Variants in LRBA observed in about 807,000 individuals in gnomAD.
LRBA encodes LPS responsive beige-like anchor protein, also known as lipopolysaccharide-responsive and beige-like anchor protein.
A neutral mutation model predicts 330.0 loss-of-function variants in LRBA; 176 were observed. That is an observed-to-expected ratio of 0.53 (90% CI 0.47 to 0.60). The LOEUF (loss-of-function observed/expected upper bound fraction) is 0.60. LRBA is among the 20% of genes least tolerant of loss of function. The pLI is 0.00. For synonymous variants in LRBA, 1,230 were observed against 1,193.0 expected, an observed-to-expected ratio of 1.03 and a Z score of -0.64; for missense variants, 3,259 against 3,444.8, an observed-to-expected ratio of 0.95 and a Z score of 1.35.
chr4:150,355,127 T>G (rs1737668474), intron 47 of LRBA, among the ~76,000 whole-genome samples: 1 of 152,018 alleles, frequency 6.6e-6, no homozygotes. Context: ...AAACAGCTTT[T>G]TCCAAGAAAC....
intron 47 of LRBA, among the ~76,000 whole-genome samples, chr4:150,404,222 A>C (rs1028764245): frequency 6.6e-6 from 1 of 152,158 alleles, no homozygotes; most frequent in Non-Finnish European, 1.5e-5. Flanking sequence ...ACATGAAGAA[A>C]TGTTTAATAA....
rs143351602 is a variant in LRBA, at chr4:150,277,881, G to A, written c.8440C>T (p.Arg2814Trp). 1.3e-4 allele frequency: 208 copies of A among 1,614,096 alleles called. No homozygotes were observed. In the African/African-American group the frequency reaches 2.1e-3, roughly 16 times the overall value. Residue 2814 changes from arginine (R) to tryptophan (W), a missense_variant, in exon 56 of 57, where the codon CGG (arginine) becomes TGG (tryptophan). Transcript: ENST00000651943. Reference protein sequence around the residue: ...FAYPGCDAGIRAMALSYDQRC... With the variant: ...FAYPGCDAGIWAMALSYDQRC... ...TGGTCGTAAGACAGCGCCATGGCCC[G>A]GATTCCAGCGTCACATCCTGGATAG...
chr4:150,732,013 A>C (rs1046963935), intron 36 of LRBA, among the ~76,000 whole-genome samples: 1 of 152,122 alleles, frequency 6.6e-6, no homozygotes, highest in South Asian at 2.1e-4. Flanking sequence ...GAAATAATAA[A>C]AAATCAATGA....
intron 34 of LRBA, among the ~76,000 whole-genome samples, chr4:150,784,682 CCTCT>C: frequency 6.6e-6 from 1 of 152,160 alleles, no homozygotes; most frequent in Non-Finnish European, 1.5e-5. Context: ...AGCCCCGCTC[CCTCT>C]GTCTCTGTAC....
At chr4:150,937,576 T>A (rs956707506) in intron 2 of LRBA, among the ~76,000 whole-genome samples, 8 of 152,168 alleles carry the variant, frequency 5.3e-5, no homozygotes, top group African/African-American at 1.7e-4. Flanking sequence ...CATTTTAGCA[T>A]GATTTGGTCT....
chr4:150,435,017 G>C (rs1750925290), intron 46 of LRBA, among the ~76,000 whole-genome samples: 1 of 151,954 alleles, frequency 6.6e-6, no homozygotes, highest in African/African-American at 2.4e-5. Context: ...AGAGGAAGGA[G>C]AGATTCTGAT....
Position 150,749,937 on chromosome 4 carries a change from G to A in LRBA, c.5645+11846C>T, listed in dbSNP as rs182249332. Among the ~76,000 whole-genome samples, 186 of 152,194 alleles carry A rather than the reference G, an allele frequency of 1.2e-3. 3 individuals are homozygous for A. The highest frequency in any genetic ancestry group is 4.4e-3 in the African/African-American group (182 of 41,522). On this transcript the variant is annotated intron_variant, in intron 35 of 56. Transcript: ENST00000651943. Reference sequence around the variant, plus strand: ...ACATTCCCAAGCCTTACTCTTTCTTGCTGATTTTGTTCCAGCCACTCTGGC... The same window carrying A: ...ACATTCCCAAGCCTTACTCTTTCTTACTGATTTTGTTCCAGCCACTCTGGC...
chr4:150,552,866 G>A (rs1464710095), intron 40 of LRBA, among the ~76,000 whole-genome samples: 8 of 151,758 alleles, frequency 5.3e-5, no homozygotes, highest in South Asian at 2.1e-4. Context: ...TCAGGAGATC[G>A]AGACCATCCT....
intron 40 of LRBA, chr4:150,580,450 G>A (rs1404608937): frequency 6.6e-6 from 1 of 152,162 alleles, no homozygotes; most frequent in Non-Finnish European, 1.5e-5. Flanking sequence ...ACTTCCCTAT[G>A]CAATTCAATT....
At chr4:150,627,397 T>C (rs1776966070) in intron 37 of LRBA, among the ~76,000 whole-genome samples, 1 of 152,078 alleles carries the variant, frequency 6.6e-6, no homozygotes. Context: ...TCTATTTTTA[T>C]GGTATAAATG....
chr4:150,469,042 T>G (rs536727277), intron 43 of LRBA, among the ~76,000 whole-genome samples: 12 of 152,060 alleles, frequency 7.9e-5, no homozygotes, highest in African/African-American at 2.2e-4. Flanking sequence ...AAAAAAAAAT[T>G]TTATGCTCCC....
intron 4 of LRBA, among the ~76,000 whole-genome samples, chr4:150,922,485 G>T (rs530084384): frequency 2.1e-4 from 31 of 151,088 alleles, no homozygotes; most frequent in Non-Finnish European, 4.1e-4. Context: ...GATAAGACTG[G>T]AAACTATTAT....
intron 37 of LRBA, among the ~76,000 whole-genome samples, chr4:150,642,474 T>C (rs1006435760): frequency 3.3e-5 from 5 of 151,884 alleles, no homozygotes; most frequent in Admixed American, 2.0e-4. Flanking sequence ...ACATGTGAAA[T>C]GATGTAATAG....
intron 22 of LRBA, among the ~76,000 whole-genome samples, chr4:150,867,161 C>T (rs563978324): frequency 6.7e-6 from 1 of 149,248 alleles, no homozygotes; most frequent in South Asian, 2.1e-4. Flanking sequence ...CAGTTTTTAG[C>T]TACCTGTAAG....
chr4:150,582,842 G>C, intron 40 of LRBA: 1 of 558,448 alleles, frequency 1.8e-6, no homozygotes, highest in Non-Finnish European at 3.0e-6. Context: ...TCGAAAGAGG[G>C]AAAAGGAAAA....
chr4:150,302,529 T>C (rs774777632), intron 53 of LRBA, 96 bp downstream of exon 53: 4 of 660,738 alleles, frequency 6.1e-6, no homozygotes, highest in Non-Finnish European at 9.7e-6. Flanking sequence ...TTGATAATCC[T>C]GTCTCACTTT....
At chr4:150,667,596 A>G (rs1435306234) in intron 37 of LRBA, among the ~76,000 whole-genome samples, 1 of 152,152 alleles carries the variant, frequency 6.6e-6, no homozygotes, top group African/African-American at 2.4e-5. Flanking sequence ...CCAATGTGAC[A>G]ATATTAGGAG....
In LRBA at chr4:150,436,825, C is replaced by T. The variant is rs893230669; in HGVS notation, c.6820G>A (p.Ala2274Thr). ...TCTTCCCATGATTCATAACGCTCAG[C>T]GAAGAATGCTGCTCTTTTTGGGTTC... Reference protein sequence around the residue: ...ALNPKRAAFFAERYESWEDDQ... With the variant: ...ALNPKRAAFFTERYESWEDDQ... Residue 2274 changes from alanine to threonine, a missense_variant, in exon 45 of 57, where the codon GCT (alanine) becomes ACT (threonine). Physicochemically the swap from Ala to Thr is moderately conservative, Grantham distance 58. Transcript: ENST00000651943. The T allele has an allele frequency of 1.1e-5, 17 of 1,613,564 alleles. No individual in the cohort carries two copies. The highest frequency in any genetic ancestry group is 4.5e-5 in the East Asian group (2 of 44,844).
intron 40 of LRBA, among the ~76,000 whole-genome samples, chr4:150,522,574 G>C (rs1308033108): frequency 6.6e-6 from 1 of 152,114 alleles, no homozygotes; most frequent in African/African-American, 2.4e-5. Context: ...AACACCAGAG[G>C]GGCTCAAGGC....
Sources: gnomAD v4.1 joint callset for allele counts (sites outside exome capture counted in the v4.1 genomes callset) on GRCh38, gnomAD v4.1.1 for gene constraint, MANE v1.5 for transcripts, NCBI Gene and HGNC (gene_info 2026-07-23, HGNC 2026-07-21) for gene names.